Variants in PCDH15 observed in about 807,000 individuals in gnomAD.
PCDH15 encodes the protein protocadherin related 15.
Under a neutral mutation model 178.5 loss-of-function variants are expected in PCDH15, and 129 were observed. The observed-to-expected ratio is 0.72, with a 90% confidence interval of 0.63 to 0.84. PCDH15 has a LOEUF of 0.84. Ranked by LOEUF, PCDH15 falls within the 40% of genes least tolerant of loss-of-function variation. The pLI, the probability that PCDH15 is intolerant of heterozygous loss-of-function variation, is 0.00. For synonymous variants in PCDH15, 800 were observed against 732.0 expected, an observed-to-expected ratio of 1.09 and a Z score of -1.50; for missense variants, 2,230 against 2,099.9, an observed-to-expected ratio of 1.06 and a Z score of -1.21.
intron 18 of PCDH15, among the ~76,000 whole-genome samples, chr10:54,046,857 G>A (rs1034998012): frequency 9.4e-5 from 14 of 148,662 alleles, no homozygotes; most frequent in African/African-American, 3.5e-4. Context: ...AAAATCTCCG[G>A]ATATAGCTGG....
At chr10:53,991,813 A>G (rs2091505708) in intron 21 of PCDH15, among the ~76,000 whole-genome samples, 1 of 152,138 alleles carries the variant, frequency 6.6e-6, no homozygotes, top group Non-Finnish European at 1.5e-5. Context: ...AAATGCACCA[A>G]TCAGCACCCT....
At chr10:54,974,510 T>C (rs1377751322) in intron 2 of PCDH15, among the ~76,000 whole-genome samples, 2 of 151,722 alleles carry the variant, frequency 1.3e-5, no homozygotes, top group Non-Finnish European at 2.9e-5. Flanking sequence ...TAGAAATGTA[T>C]AGATATATAA....
chr10:53,940,885 A>G lies in PCDH15; in HGVS notation c.3213T>C (p.Ile1071=). The G allele has an allele frequency of 6.2e-7, 1 of 1,612,480 alleles. No individual in the cohort carries two copies. The highest frequency in any genetic ancestry group is 8.5e-7 in the Non-Finnish European group (1 of 1,178,558). ...ACTCACCTTCTTCATTTCCTGAAAC[A>G]ATGGAGTACACAATACTTTGATTAA... ...AAINQSIVYS[I]VSGNEEDTFG... Residue 1071 remains isoleucine (I), a synonymous_variant, in exon 24 of 38, where the codon ATT becomes ATC. Transcript: ENST00000644397.
At chr10:55,088,415 T>C (rs1833043) in intron 2 of PCDH15, among the ~76,000 whole-genome samples, 23,258 of 151,892 alleles carry the variant, frequency 0.15, 2,414 homozygotes, top group Non-Finnish European at 0.22. Flanking sequence ...ACTACAGTTG[T>C]GCGCCACCAT....
intron 2 of PCDH15, among the ~76,000 whole-genome samples, chr10:55,556,675 A>C (rs1437293123): frequency 1.3e-5 from 2 of 152,026 alleles, no homozygotes; most frequent in Non-Finnish European, 2.9e-5. Flanking sequence ...GCAAAGAAAA[A>C]AAAAGGTACA....
At chr10:54,666,709 C>A (rs967677908) in intron 1 of PCDH15, among the ~76,000 whole-genome samples, 1 of 151,352 alleles carries the variant, frequency 6.6e-6, no homozygotes, top group Admixed American at 6.6e-5. Flanking sequence ...TTAATACAAA[C>A]CAGAAAAGAT....
At chr10:53,893,053 T>C (rs145703228) in intron 26 of PCDH15, among the ~76,000 whole-genome samples, 170 of 152,266 alleles carry the variant, frequency 1.1e-3, no homozygotes, top group African/African-American at 3.5e-3. Flanking sequence ...TTGTATTGCA[T>C]TCATCTTCTA....
chr10:54,943,944 C>T (rs1302597764), intron 2 of PCDH15, among the ~76,000 whole-genome samples: 1 of 151,406 alleles, frequency 6.6e-6, no homozygotes, highest in East Asian at 1.9e-4. Flanking sequence ...AGTTTCTATC[C>T]CACAGCAAGA....
intron 2 of PCDH15, among the ~76,000 whole-genome samples, chr10:55,456,067 T>A (rs894833000): frequency 6.6e-6 from 1 of 152,134 alleles, no homozygotes; most frequent in Middle Eastern, 3.2e-3. Context: ...ATAGGGCATA[T>A]GCCAGTTGTA....
intron 18 of PCDH15, among the ~76,000 whole-genome samples, chr10:54,039,056 C>A (rs2093481799): frequency 1.3e-5 from 2 of 152,000 alleles, no homozygotes; most frequent in Non-Finnish European, 2.9e-5. Flanking sequence ...ATATGATGAA[C>A]TTTAGGTTTT....
At chr10:55,051,605 CTAT>C (rs1841163543) in intron 2 of PCDH15, among the ~76,000 whole-genome samples, 1 of 152,068 alleles carries the variant, frequency 6.6e-6, no homozygotes, top group Non-Finnish European at 1.5e-5. Flanking sequence ...AAGTTTGAGA[CTAT>C]TGTCTGACTT....
chr10:53,850,945 T>C (rs2078317856), intron 28 of PCDH15, among the ~76,000 whole-genome samples: 1 of 152,076 alleles, frequency 6.6e-6, no homozygotes, highest in South Asian at 2.1e-4. Flanking sequence ...ATTGAACAGA[T>C]GGGTCTAACT....
rs79486563 is a variant in PCDH15 at position 54,604,246 on chromosome 10, A to G, written c.91+59926T>C. 2.0e-5 allele frequency among the ~76,000 whole-genome samples: 3 copies of G among 152,022 alleles called. No homozygotes were observed. In the East Asian group the frequency reaches 5.8e-4, roughly 29 times the overall value. On this transcript the variant is annotated intron_variant, in intron 2 of 37. Coordinates refer to ENST00000644397, the MANE Select transcript of PCDH15 (RefSeq NM_001384140.1). ...CATATGTGCTTGAAAAGAATGTACA[A>G]TCTTCTGTTGTTGGGTAAAAAGTTC...
intron 21 of PCDH15, among the ~76,000 whole-genome samples, chr10:53,978,152 C>G (rs1243129735): frequency 6.6e-6 from 1 of 152,176 alleles, no homozygotes; most frequent in Non-Finnish European, 1.5e-5. Context: ...AGTGGGGACT[C>G]TGTGTGGGGG....
At chr10:55,171,912 GAA>G (rs59407450) in intron 1 of PCDH15, among the ~76,000 whole-genome samples, 4 of 150,482 alleles carry the variant, frequency 2.7e-5, no homozygotes, top group Non-Finnish European at 5.9e-5. Context: ...AACCAGAAAA[GAA>G]AAAAAAAATC....
chr10:54,468,209 G>C (rs2136623894), intron 3 of PCDH15, among the ~76,000 whole-genome samples: 1 of 151,506 alleles, frequency 6.6e-6, no homozygotes, highest in East Asian at 1.9e-4. Context: ...ATTTTGGTTT[G>C]GTGTGTTCTT....
rs548196042 is a variant in PCDH15 at position 54,810,487 on chromosome 10, A to G, written c.-29+86963T>C. Among the ~76,000 whole-genome samples, 6 of 152,246 alleles carry G rather than the reference A, an allele frequency of 3.9e-5. No individual in the cohort carries two copies. In the East Asian group the frequency reaches 7.7e-4, roughly 20 times the overall value. ...AAATATGGATATTGTACATCTTTCT[A>G]GACGTAACATCAACAAATTGGGAAA... is the stretch of plus-strand genomic sequence containing the variant. On this transcript the variant is annotated intron_variant, in intron 3 of 5. Coordinates refer to the PCDH15 transcript ENST00000458638.
intron 19 of PCDH15, among the ~76,000 whole-genome samples, chr10:54,022,318 T>C (rs1196279980): frequency 2.3e-5 from 3 of 129,634 alleles, no homozygotes; most frequent in African/African-American, 8.8e-5. Flanking sequence ...TACTAGAAGA[T>C]GGCTTTTGTG....
intron 2 of PCDH15, among the ~76,000 whole-genome samples, chr10:55,458,307 T>A (rs993442255): frequency 5.3e-5 from 8 of 152,038 alleles, no homozygotes; most frequent in African/African-American, 1.9e-4. Context: ...CACTTGCAGG[T>A]TCTGCTGATG....
Sources: allele counts gnomAD v4.1 joint callset (sites outside exome capture counted in the v4.1 genomes callset), GRCh38; gene constraint gnomAD v4.1.1; transcripts MANE v1.5; gene names NCBI Gene and HGNC (gene_info 2026-07-23, HGNC 2026-07-21).